APBB2: variants seen among roughly 807,000 people sequenced by gnomAD.
APBB2 encodes Fe65-like 1.
In APBB2, 38 loss-of-function variants were observed where a neutral mutation model predicts 82.5. The observed-to-expected ratio is 0.46, with a 90% CI of 0.36 to 0.60. APBB2 has a LOEUF of 0.60. Ranked by LOEUF, APBB2 falls within the 20% of genes least tolerant of loss-of-function variation. The pLI, the probability that APBB2 is intolerant of heterozygous loss-of-function variation, is 0.00. For synonymous variants in APBB2, 341 were observed against 368.2 expected (o/e 0.93, Z 0.85); for missense variants, 772 against 972.3 (o/e 0.79, Z 2.74).
chr4:40,871,334 G>A (rs567068048), intron 12 of APBB2, among the ~76,000 whole-genome samples: 15 of 152,122 alleles, frequency 9.9e-5, no homozygotes, highest in South Asian at 4.2e-4. Context: ...TAGTAGAGAC[G>A]GGGTTTTGCC....
At chr4:41,150,828 C>T (rs1258371724) in intron 1 of APBB2, among the ~76,000 whole-genome samples, 1 of 152,152 alleles carries the variant, frequency 6.6e-6, no homozygotes, top group Non-Finnish European at 1.5e-5. Context: ...GCAACCTCCA[C>T]CTACCAGGTT....
chr4:41,060,882 TA>T (rs1729573704), intron 4 of APBB2, among the ~76,000 whole-genome samples: 1 of 152,160 alleles, frequency 6.6e-6, no homozygotes, highest in African/African-American at 2.4e-5. Flanking sequence ...CAGACTACTA[TA>T]AATGTCTACT....
intron 1 of APBB2, among the ~76,000 whole-genome samples, chr4:41,190,233 C>T (rs1353569754): frequency 2.8e-5 from 4 of 141,440 alleles, no homozygotes; most frequent in Admixed American, 7.1e-5. Context: ...GAATTTCCTA[C>T]ATAGGCTATT....
At chr4:40,833,698 C>T (rs888444305) in intron 12 of APBB2, among the ~76,000 whole-genome samples, 2 of 152,134 alleles carry the variant, frequency 1.3e-5, no homozygotes, top group African/African-American at 4.8e-5. Flanking sequence ...AGCTATACAA[C>T]CCTGGGCATG....
At chr4:41,212,681 G>A (rs116710688) in intron 1 of APBB2, among the ~76,000 whole-genome samples, 2,696 of 152,162 alleles carry the variant, frequency 0.018, 89 homozygotes, top group African/African-American at 0.062. Context: ...GAAGACTGTC[G>A]GTGACTTCGG....
chr4:40,896,762 A>G (rs1222086796), intron 10 of APBB2, among the ~76,000 whole-genome samples: 1 of 152,170 alleles, frequency 6.6e-6, no homozygotes, highest in Non-Finnish European at 1.5e-5. Context: ...ACTCTCAAAA[A>G]GTGTCCTGGG....
At chr4:40,842,679 T>C (rs1756239885) in intron 12 of APBB2, among the ~76,000 whole-genome samples, 2 of 152,198 alleles carry the variant, frequency 1.3e-5, no homozygotes, top group Admixed American at 1.3e-4. Context: ...CAGGAAACTG[T>C]TTGCAGTAAA....
Position 41,214,425 on chromosome 4 carries a change from G to GCCT in APBB2, c.-440_-438dup, listed in dbSNP as rs1780155692. On this transcript the variant is annotated 5_prime_UTR_variant, in exon 1 of 18. Transcript: ENST00000508593. ...CTCACCAGTGGTGCGCGCGGCGCTC[G>GCCT]CCTCGGCTCCGGCGCCCAGCGGCTC... 6.6e-6 allele frequency: 1 copy of GCCT among 152,412 alleles called. No homozygotes were observed. The highest frequency in any genetic ancestry group is 2.4e-5 in the African/African-American group (1 of 41,470). The allele number at this position is 152,412 out of a possible 1,614,324, so 9.4% of individuals were successfully genotyped here.
intron 1 of APBB2, among the ~76,000 whole-genome samples, chr4:41,178,585 T>C (rs764853836): frequency 1.3e-5 from 2 of 152,210 alleles, no homozygotes; most frequent in Non-Finnish European, 2.9e-5. Context: ...CAGTAAACAT[T>C]TGTTGGATGA....
intron 17 of APBB2, among the ~76,000 whole-genome samples, 194 bp downstream of exon 17, chr4:40,821,677 G>C (rs6818945): frequency 0.022 from 3,378 of 152,276 alleles, 122 homozygotes; most frequent in African/African-American, 0.076. Flanking sequence ...CTTCTTTCAG[G>C]AGTTCTGGCC....
At chr4:41,200,169 A>C (rs1329164900) in intron 1 of APBB2, among the ~76,000 whole-genome samples, 1 of 152,220 alleles carries the variant, frequency 6.6e-6, no homozygotes, top group Non-Finnish European at 1.5e-5. Flanking sequence ...AAATACCAAA[A>C]TACAGCATTC....
intron 10 of APBB2, among the ~76,000 whole-genome samples, chr4:40,923,012 T>C (rs1170946394): frequency 2.0e-5 from 3 of 150,784 alleles, no homozygotes; most frequent in Non-Finnish European, 4.4e-5. Flanking sequence ...TCCCGCTCTT[T>C]AGCCCAGGCC....
chr4:40,935,662 A>C (rs992362760), intron 7 of APBB2: 2 of 152,612 alleles, frequency 1.3e-5, no homozygotes, highest in African/African-American at 4.8e-5. Context: ...AGGGTTAGTG[A>C]AGAACACAGA....
intron 10 of APBB2, among the ~76,000 whole-genome samples, chr4:40,924,914 T>C (rs766561665): frequency 2.6e-5 from 4 of 152,210 alleles, no homozygotes; most frequent in Non-Finnish European, 4.4e-5. Context: ...CCTAAAAGCA[T>C]TTGCTGAAAA....
In APBB2 at chr4:41,018,203, C is replaced by G. The variant is rs1000746174; in HGVS notation, c.20-3805G>C. ...CACACTTTTATTTCTGACCACCATA[C>G]CTCAAGCCACCACTGACTGAGCACT... On this transcript the variant is annotated intron_variant, in intron 5 of 17. Transcript: ENST00000508593. Among the ~76,000 whole-genome samples the G allele has an allele frequency of 3.9e-5, 6 of 152,182 alleles. No individual in the cohort carries two copies. In the East Asian group the frequency reaches 1.2e-3, roughly 29 times the overall value.
intron 12 of APBB2, among the ~76,000 whole-genome samples, chr4:40,883,710 CA>C (rs10578840): frequency 0.75 from 94,784 of 126,778 alleles, 34,767 homozygotes; most frequent in East Asian, 0.9. Flanking sequence ...TAGAGACTGC[CA>C]AAAAAAAAAA....
At chr4:41,187,523 C>T (rs1773222796) in intron 1 of APBB2, among the ~76,000 whole-genome samples, 1 of 152,148 alleles carries the variant, frequency 6.6e-6, no homozygotes, top group East Asian at 1.9e-4. Flanking sequence ...GTTATCTTTA[C>T]CAAACCATCA....
chr4:40,908,073 G>A (rs1323407303), intron 10 of APBB2, among the ~76,000 whole-genome samples: 1 of 151,592 alleles, frequency 6.6e-6, no homozygotes. Context: ...TGTGGCATAT[G>A]TGTGTGTGTA....
At chr4:41,102,899 T>C (rs1184083365) in intron 2 of APBB2, among the ~76,000 whole-genome samples, 1 of 152,238 alleles carries the variant, frequency 6.6e-6, no homozygotes, top group African/African-American at 2.4e-5. Context: ...AATGTGTCAC[T>C]GATAGTTTTT....
Sources: allele counts gnomAD v4.1 joint callset (sites outside exome capture counted in the v4.1 genomes callset), GRCh38; gene constraint gnomAD v4.1.1; transcripts MANE v1.5; gene names NCBI Gene and HGNC (gene_info 2026-07-23, HGNC 2026-07-21).